PLCE1: variants seen among roughly 807,000 people sequenced by gnomAD.
PLCE1 encodes phospholipase C epsilon 1, also known as 1-phosphatidylinositol 4,5-bisphosphate phosphodiesterase epsilon-1.
In PLCE1, 119 loss-of-function variants were observed where a neutral mutation model predicts 242.8. The observed-to-expected ratio is 0.49, with a 90% confidence interval of 0.42 to 0.57. PLCE1 has a LOEUF of 0.57. Ranked by LOEUF, PLCE1 falls within the 20% of genes least tolerant of loss-of-function variation. The pLI is 0.00. For synonymous variants in PLCE1, 945 were observed against 1,017.4 expected (o/e 0.93, Z 1.35); for missense variants, 2,441 against 2,788.8 (o/e 0.88, Z 2.81).
At chr10:94,241,311 GCTTGA>G (rs1379578020) in intron 7 of PLCE1, among the ~76,000 whole-genome samples, 2 of 152,114 alleles carry the variant, frequency 1.3e-5, no homozygotes, top group Non-Finnish European at 2.9e-5. Context: ...ACTGGAACAT[GCTTGA>G]CTTAACTCAG....
In PLCE1 at chr10:94,109,506, G is replaced by A. The variant is rs540354571; in HGVS notation, c.1207-22668G>A. ...TCCTATAGTTCCAGCTACTTGGGAG[G>A]CTGAGGCAGGAGAATCGCTTGAACC... On this transcript the variant is annotated intron_variant, in intron 2 of 32. Coordinates refer to ENST00000371380, the MANE Select transcript of PLCE1 (RefSeq NM_016341.4). Among the ~76,000 whole-genome samples the A allele has an allele frequency of 4.6e-5, 7 of 152,298 alleles. No individual in the cohort carries two copies. In the East Asian group the frequency reaches 1.3e-3, roughly 29 times the overall value.
intron 2 of PLCE1, among the ~76,000 whole-genome samples, chr10:94,121,752 C>A (rs866443011): frequency 1.3e-5 from 2 of 152,196 alleles, no homozygotes; most frequent in Admixed American, 6.5e-5. Context: ...GATGGCATCT[C>A]TGCTGTCCCA....
intron 1 of PLCE1, among the ~76,000 whole-genome samples, chr10:94,007,456 G>C (rs1016697038): frequency 7.9e-5 from 12 of 152,076 alleles, no homozygotes; most frequent in Admixed American, 6.6e-5. Context: ...CCTTCCTGGT[G>C]CTAGTATGTA....
At chr10:94,132,536 C>T in intron 3 of PLCE1, 77 bp downstream of exon 3, 2 of 1,385,836 alleles carry the variant, frequency 1.4e-6, no homozygotes, top group Admixed American at 3.4e-5. Flanking sequence ...TATGTATCTC[C>T]TGATGGAAAA....
chr10:94,227,283 G>C (rs756900490), intron 4 of PLCE1, 23 bp from the exon 5 acceptor site: 1 of 1,612,882 alleles, frequency 6.2e-7, no homozygotes, highest in South Asian at 1.1e-5. Flanking sequence ...TAATTCCCGT[G>C]AATGTCTCTG....
intron 2 of PLCE1, chr10:94,105,429 A>G (rs546352880): frequency 3.9e-4 from 60 of 152,338 alleles, no homozygotes; most frequent in African/African-American, 1.4e-3. Flanking sequence ...CGCTTTGTGT[A>G]TTAGGCACTT....
chr10:94,152,598 G>A (rs954243998), intron 3 of PLCE1, among the ~76,000 whole-genome samples: 1 of 152,204 alleles, frequency 6.6e-6, no homozygotes, highest in Non-Finnish European at 1.5e-5. Context: ...ATTTGGACAA[G>A]TTACTTAACA....
At chr10:94,179,530 T>TTTTTTTTTTTTTTTTTTA (rs10636243) in intron 4 of PLCE1, among the ~76,000 whole-genome samples, 8 of 118,828 alleles carry the variant, frequency 6.7e-5, no homozygotes, top group Non-Finnish European at 1.2e-4. Flanking sequence ...TTTTTTTTTT[T>TTTTTTTTTTTTTTTTTTA]GACAGGGTCT....
intron 3 of PLCE1, among the ~76,000 whole-genome samples, chr10:94,161,657 T>C (rs1007591829): frequency 7.9e-5 from 12 of 152,208 alleles, no homozygotes; most frequent in Admixed American, 2.0e-4. Context: ...TTCCTTCTCC[T>C]GTCTGATTAC....
intron 1 of PLCE1, among the ~76,000 whole-genome samples, chr10:94,011,734 A>G (rs1345129840): frequency 1.3e-5 from 2 of 152,314 alleles, no homozygotes; most frequent in East Asian, 1.9e-4. Flanking sequence ...CCCTGAAAAT[A>G]TAACCCCAGG....
chr10:94,002,052 C>T (rs929487445), intron 1 of PLCE1, among the ~76,000 whole-genome samples: 2 of 151,510 alleles, frequency 1.3e-5, no homozygotes. Flanking sequence ...TTCATCATGG[C>T]TTGGGCACAG....
At position 94,165,559 on chromosome 10, in the gene PLCE1, C is replaced by T. The variant is rs186693728; in HGVS notation, c.1493-5621C>T. On this transcript the variant is annotated intron_variant, in intron 3 of 32. Transcript: ENST00000371380. ...CCTATTCGGCTGTCTTGGCTCCACCCCCCTCTAATTTTAGCTTTAAGTAAC... is the reference window on the plus strand; with the variant it reads ...CCTATTCGGCTGTCTTGGCTCCACCTCCCTCTAATTTTAGCTTTAAGTAAC... Among the ~76,000 whole-genome samples, 73 of 152,126 alleles carry T rather than the reference C, an allele frequency of 4.8e-4. 1 individual carries two copies. The East Asian group carries it at 9.3e-3, about 19-fold the overall frequency.
At chr10:94,007,699 C>CT (rs80098906) in intron 1 of PLCE1, among the ~76,000 whole-genome samples, 18,852 of 64,504 alleles carry the variant, frequency 0.29, 2,821 homozygotes, top group East Asian at 0.55. Flanking sequence ...AGCCTACTTT[C>CT]TTTTTTTTTT....
chr10:94,306,858 G>A lies in PLCE1; in HGVS notation c.5884+170G>A, dbSNP rs2133643949. Among the ~76,000 whole-genome samples, 1 of 152,328 alleles carries A rather than the reference G, an allele frequency of 6.6e-6. No individual in the cohort carries two copies. The highest frequency in any genetic ancestry group is 2.4e-5 in the African/African-American group (1 of 41,576). On this transcript the variant is annotated intron_variant, in intron 26 of 32. Coordinates refer to ENST00000371380, the MANE Select transcript of PLCE1 (RefSeq NM_016341.4). This position sits in a 1 kb window ranked among gnomAD's most constrained non-coding sequence, Gnocchi z 5.7. ...ACTTTTGAAGCACATCTCAAAAGAA[G>A]TTTTTCTTTTACATTTTTTAAGAAT...
Position 94,204,055 on chromosome 10 carries a change from G to C in PLCE1, c.1810-23251G>C, listed in dbSNP as rs75823674. ...TTAACACATTTATTTATGTCTCTTC[G>C]TATTTGCAAAAAATAAAAAAAAAAT... On this transcript the variant is annotated intron_variant, in intron 4 of 32. Coordinates refer to ENST00000371380, the MANE Select transcript of PLCE1 (RefSeq NM_016341.4). Among the ~76,000 whole-genome samples the C allele has an allele frequency of 4.0e-5, 6 of 151,710 alleles. No individual in the cohort carries two copies. The East Asian group carries it at 7.7e-4, about 20-fold the overall frequency.
intron 1 of PLCE1, among the ~76,000 whole-genome samples, chr10:94,015,286 T>C (rs1012509570): frequency 3.9e-5 from 6 of 152,176 alleles, no homozygotes; most frequent in African/African-American, 1.4e-4. Context: ...CAAAGCTGCT[T>C]TATCTTAGCT....
At chr10:94,207,136 A>G (rs1811340588) in intron 4 of PLCE1, among the ~76,000 whole-genome samples, 1 of 152,190 alleles carries the variant, frequency 6.6e-6, no homozygotes, top group Admixed American at 6.5e-5. Context: ...GTTTCTCAGC[A>G]TGGAGGGCAG....
chr10:94,304,336 G>T (rs2053133217), intron 24 of PLCE1, 146 bp from the exon 25 acceptor site: 1 of 772,014 alleles, frequency 1.3e-6, no homozygotes, highest in Non-Finnish European at 2.3e-6. Context: ...TTATCAATCT[G>T]TGGGACGAAT....
At chr10:94,208,822 A>G (rs2049247100) in intron 4 of PLCE1, among the ~76,000 whole-genome samples, 1 of 152,248 alleles carries the variant, frequency 6.6e-6, no homozygotes, top group African/African-American at 2.4e-5. Context: ...TAGTGTTGAC[A>G]TATGCATAAG....
Sources: allele counts gnomAD v4.1 joint callset (sites outside exome capture counted in the v4.1 genomes callset), GRCh38; gene constraint gnomAD v4.1.1; non-coding constraint Gnocchi (gnomAD v3.1); transcripts MANE v1.5; gene names NCBI Gene and HGNC (gene_info 2026-07-23, HGNC 2026-07-21).